The following UCMA variants were observed in gnomAD, a reference collection of about 807,000 sequenced individuals.
UCMA encodes upper zone of growth plate and cartilage matrix associated.
UCMA carries 21 observed loss-of-function variants against 21.8 expected under a neutral mutation model. That is an observed-to-expected ratio of 0.97 (90% CI 0.68 to 1.39). The LOEUF is 1.39. UCMA is among the 40% of genes most tolerant of loss of function. UCMA has a pLI of 0.00. For missense variants in UCMA, 193 were observed against 178.9 expected (o/e 1.08, Z -0.45); for synonymous variants, 76 against 67.9 (o/e 1.12, Z -0.58).
chr10:13,230,299 C>A (rs977617432), intron 3 of UCMA, among the ~76,000 whole-genome samples: 1 of 152,132 alleles, frequency 6.6e-6, no homozygotes, highest in Non-Finnish European at 1.5e-5. Flanking sequence ...CAGAGCGAGA[C>A]CCTGTCTCAA....
rs1411116629 is a variant in UCMA at position 13,221,798 on chromosome 10, G to A, written c.*305C>T. 5.8e-6 allele frequency: 2 copies of A among 346,798 alleles called. No homozygotes were observed. The highest frequency in any genetic ancestry group is 1.2e-4 in the East Asian group (2 of 17,298). The allele number at this position is 346,798 out of a possible 1,614,324, so 21.5% of individuals were successfully genotyped here. ...CAGCGTTTTTATTTGTAAGCCATAA[G>A]CAAACATGTGATTCTTGACTGATTC... On this transcript the variant is annotated 3_prime_UTR_variant, in exon 5 of 5. Coordinates refer to ENST00000378681, the MANE Select transcript of UCMA (RefSeq NM_145314.3).
intron 4 of UCMA, among the ~76,000 whole-genome samples, chr10:13,223,803 C>T (rs1302393629): frequency 6.6e-6 from 1 of 151,864 alleles, no homozygotes; most frequent in Non-Finnish European, 1.5e-5. Flanking sequence ...CGAACTGCCT[C>T]GGCCTTCCAA....
chr10:13,229,598 G>A lies in UCMA; in HGVS notation c.319+13C>T, dbSNP rs766509091. On this transcript the variant is annotated intron_variant, in intron 4 of 4. Transcript: ENST00000378681. The stretch of plus-strand genomic sequence containing the variant: ...CTCCACCTCCCTGAAGACACTGGCT[G>A]AAGAGCTCTTACCATCGTTTTGTTC... 12 of 1,611,274 alleles carry A rather than the reference G, an allele frequency of 7.4e-6. No individual in the cohort carries two copies. Among genetic ancestry groups the A allele is most frequent in the African/African-American group, 4.0e-5 (3 of 74,818 alleles).
In UCMA at chr10:13,233,622, T is replaced by A; in HGVS notation, c.136A>T (p.Lys46Ter). 1 of 1,614,114 alleles carries A rather than the reference T, an allele frequency of 6.2e-7. No homozygotes were observed. Among genetic ancestry groups the A allele is most frequent in the Non-Finnish European group, 8.5e-7 (1 of 1,180,018 alleles). The change falls in exon 3 of 5, where the codon AAG becomes TAG. Residue 46 changes from lysine to a stop codon, truncating the protein, a stop_gained. Transcript: ENST00000378681. LOFTEE classifies it high-confidence loss of function. ...GEEASEDAKQ[K>*]IFMQESDASN... ...GCATCTGATTCCTGCATGAAAATCT[T>A]CTGTTTTGCATCTGAAACCCGGGAG...
intron 3 of UCMA, among the ~76,000 whole-genome samples, chr10:13,231,047 AAAAT>A (rs61676106): frequency 6.8e-6 from 1 of 146,454 alleles, no homozygotes; most frequent in East Asian, 2.1e-4. Flanking sequence ...ACTCTGTCTT[AAAAT>A]AAATAAATAA....
intron 4 of UCMA, among the ~76,000 whole-genome samples, chr10:13,222,584 A>G (rs1323673957): frequency 6.6e-6 from 1 of 152,202 alleles, no homozygotes; most frequent in African/African-American, 2.4e-5. Flanking sequence ...CAAGAAAAAT[A>G]AGGGACTACA....
chr10:13,228,922 TTCTTTTTA>T (rs1834859942), intron 4 of UCMA, among the ~76,000 whole-genome samples: 1 of 132,662 alleles, frequency 7.5e-6, no homozygotes, highest in Non-Finnish European at 1.6e-5. Flanking sequence ...TTTTTCTCCC[TTCTTTTTA>T]TTTTATTTTA....
intron 4 of UCMA, among the ~76,000 whole-genome samples, chr10:13,227,328 A>G (rs1403618648): frequency 6.6e-6 from 1 of 152,222 alleles, no homozygotes; most frequent in African/African-American, 2.4e-5. Flanking sequence ...AAGGCGACCT[A>G]AACTGGGGCC....
chr10:13,233,520 T>A lies in UCMA; in HGVS notation c.220+18A>T, dbSNP rs1205851130. ...AGGTGGTGATGGACGCGGGATGGGG[T>A]CCCTCCAGCATCCTTACCATTGACC... On this transcript the variant is annotated intron_variant, in intron 3 of 4. Transcript: ENST00000378681. 1.2e-6 allele frequency: 2 copies of A among 1,605,550 alleles called. No individual in the cohort carries two copies. Among genetic ancestry groups the A allele is most frequent in the Admixed American group, 3.3e-5 (2 of 59,736 alleles).
chr10:13,228,541 G>T (rs1834853824), intron 4 of UCMA, among the ~76,000 whole-genome samples: 2 of 152,200 alleles, frequency 1.3e-5, no homozygotes, highest in African/African-American at 4.8e-5. Flanking sequence ...AAGGCAAGCT[G>T]TTTTCTGAGT....
chr10:13,222,328 G>C (rs1483154078), intron 4 of UCMA, 128 bp from the exon 5 acceptor site: 4 of 788,700 alleles, frequency 5.1e-6, no homozygotes, highest in East Asian at 2.7e-5. Context: ...GCCCTGGTGA[G>C]AGAAGGCCAG....
chr10:13,228,981 G>C (rs1409299690), intron 4 of UCMA, among the ~76,000 whole-genome samples: 1 of 151,746 alleles, frequency 6.6e-6, no homozygotes, highest in African/African-American at 2.4e-5. Flanking sequence ...TGTTGCCCAG[G>C]CTGGAGTGAA....
Position 13,232,100 on chromosome 10 carries a change from G to A in UCMA, c.220+1438C>T, listed in dbSNP as rs72781304. 4.6e-5 allele frequency among the ~76,000 whole-genome samples: 7 copies of A among 152,196 alleles called. No individual in the cohort carries two copies. In the East Asian group the frequency reaches 5.8e-4, roughly 13 times the overall value. ...CTTAAGAGGACAGAAGAGGCCATGC[G>A]CGGTGGCTCATGCCTGTAATCTCAG... On this transcript the variant is annotated intron_variant, in intron 3 of 4. Coordinates refer to ENST00000378681, the MANE Select transcript of UCMA (RefSeq NM_145314.3).
intron 4 of UCMA, among the ~76,000 whole-genome samples, chr10:13,224,001 T>G (rs1834792554): frequency 6.6e-6 from 1 of 152,170 alleles, no homozygotes; most frequent in South Asian, 2.1e-4. Context: ...GCACAGTGAA[T>G]GTAGTAAATG....
In UCMA at chr10:13,223,233, A is replaced by G. The variant is rs143911431; in HGVS notation, c.320-1033T>C. Among the ~76,000 whole-genome samples, 68 of 151,784 alleles carry G rather than the reference A, an allele frequency of 4.5e-4. 1 individual carries two copies. The highest frequency in any genetic ancestry group is 1.6e-3 in the African/African-American group (67 of 41,436). Reference sequence around the variant, plus strand: ...AGAGTGAGATCCTATCTCAAAAAAAAAAAAAACACAAAAGAAAGAAAAAAA... The same window carrying G: ...AGAGTGAGATCCTATCTCAAAAAAAGAAAAAACACAAAAGAAAGAAAAAAA... On this transcript the variant is annotated intron_variant, in intron 4 of 4. Coordinates refer to ENST00000378681, the MANE Select transcript of UCMA (RefSeq NM_145314.3).
chr10:13,234,152 T>A (rs1834938589), intron 1 of UCMA, 49 bp downstream of exon 1: 1 of 1,536,844 alleles, frequency 6.5e-7, no homozygotes, highest in Non-Finnish European at 8.9e-7. Flanking sequence ...ATGGTAAGTC[T>A]CCCTTACCAT....
Position 13,234,179 on chromosome 10 carries a change from A to T in UCMA, c.58+22T>A, listed in dbSNP as rs942418. ...CCTTACCATGTAACTAACACCCTCC[A>T]CCTTGACCCTCCTGTACTCACTAGA... On this transcript the variant is annotated intron_variant, in intron 1 of 4. Coordinates refer to ENST00000378681, the MANE Select transcript of UCMA (RefSeq NM_145314.3). 868 of 1,606,446 alleles carry T rather than the reference A, an allele frequency of 5.4e-4. 4 individuals carry two copies. The highest frequency in any genetic ancestry group is 1.5e-3 in the South Asian group (133 of 89,176).
At chr10:13,232,957 C>A (rs1834918216) in intron 3 of UCMA, among the ~76,000 whole-genome samples, 1 of 151,586 alleles carries the variant, frequency 6.6e-6, no homozygotes, top group African/African-American at 2.4e-5. Flanking sequence ...AAAAAAAAAC[C>A]TCTGCTGGCT....
chr10:13,226,526 A>C (rs970879656), intron 4 of UCMA, among the ~76,000 whole-genome samples: 2 of 152,080 alleles, frequency 1.3e-5, no homozygotes, highest in African/African-American at 4.8e-5. Context: ...GGCCTCGCTT[A>C]GTTGCCCAAG....
Sources: gnomAD v4.1 joint callset for allele counts (sites outside exome capture counted in the v4.1 genomes callset) on GRCh38, gnomAD v4.1.1 for gene constraint, MANE v1.5 for transcripts, NCBI Gene and HGNC (gene_info 2026-07-23, HGNC 2026-07-21) for gene names.